LILRA4: variants seen among roughly 807,000 people sequenced by gnomAD.
LILRA4 encodes the protein leukocyte immunoglobulin like receptor A4.
Under a neutral mutation model 49.5 loss-of-function variants are expected in LILRA4, and 51 were observed. That is an observed-to-expected ratio of 1.03 (90% CI 0.82 to 1.30). The LOEUF (loss-of-function observed/expected upper bound fraction) is 1.30. Ranked by LOEUF, LILRA4 falls within the 50% of genes most tolerant of loss-of-function variation. The probability of loss-of-function intolerance (pLI) is 0.00; values close to 1 mark genes in which losing one functional copy is unlikely to be tolerated. For synonymous variants in LILRA4, 272 were observed against 265.6 expected, an observed-to-expected ratio of 1.02 and a Z score of -0.23; for missense variants, 624 against 625.6, an observed-to-expected ratio of 1.00 and a Z score of 0.03.
Position 54,339,047 on chromosome 19 carries a change from C to T in LILRA4, c.34+13G>A. 1 of 1,614,208 alleles carries T rather than the reference C, an allele frequency of 6.2e-7. No individual in the cohort carries two copies. The highest frequency in any genetic ancestry group is 8.5e-7 in the Non-Finnish European group (1 of 1,180,012). On this transcript the variant is annotated intron_variant, in intron 1 of 7. Coordinates refer to ENST00000291759, the MANE Select transcript of LILRA4 (RefSeq NM_012276.5). ...CTAGACTAGGGTCTCTCCTCCCCCT[C>T]TTAAGATCTCACCAAAGAAGAGCAG...
chr19:54,338,033 G>C lies in LILRA4; in HGVS notation c.558C>G (p.Thr186=), dbSNP rs753152729. Reference sequence around the variant, plus strand: ...ATCTGAATGTACCCCTGTTGCTGAAGGTCAGGGGGCCCATGGGGAACAGGG... The same window carrying C: ...ATCTGAATGTACCCCTGTTGCTGAACGTCAGGGGGCCCATGGGGAACAGGG... ...FQALFPMGPL[T]FSNRGTFRCY... is the part of the protein sequence containing the mutation. The change falls in exon 4 of 8, where the codon ACC becomes ACG. Residue 186 remains threonine, a synonymous_variant. Coordinates refer to ENST00000291759, the MANE Select transcript of LILRA4 (RefSeq NM_012276.5). The C allele has an allele frequency of 2.5e-6, 4 of 1,613,968 alleles. No individual in the cohort carries two copies. In the East Asian group the frequency reaches 8.9e-5, roughly 36 times the overall value.
chr19:54,338,043 C>T lies in LILRA4; in HGVS notation c.548G>A (p.Gly183Asp), dbSNP rs1428748963. ...ACCCCTGTTGCTGAAGGTCAGGGGG[C>T]CCATGGGGAACAGGGCCTGGAACTT... ...HGKFQALFPM[G>D]PLTFSNRGTF... The change falls in exon 4 of 8, where the codon GGC becomes GAC. Residue 183 changes from glycine to aspartate, a missense_variant. By Grantham distance (94) the Gly-to-Asp change is moderately conservative. Transcript: ENST00000291759. 6.2e-6 allele frequency: 10 copies of T among 1,614,014 alleles called. No homozygotes were observed. The East Asian group carries it at 1.6e-4, about 25-fold the overall frequency.
At chr19:54,335,222 G>T (rs530327196) in intron 6 of LILRA4, 3 of 152,212 alleles carry the variant, frequency 2.0e-5, no homozygotes, top group Non-Finnish European at 4.4e-5. Context: ...CAATGTTGGA[G>T]GAGAGGCCCA....
In LILRA4 at chr19:54,337,694, C is replaced by A. The variant is rs543578213; in HGVS notation, c.658G>T (p.Val220Leu). 13 of 1,611,374 alleles carry A rather than the reference C, an allele frequency of 8.1e-6. No homozygotes were observed. Among genetic ancestry groups the A allele is most frequent in the South Asian group, 2.2e-5 (2 of 90,920 alleles). Residue 220 changes from valine to leucine, a missense_variant and splice_region_variant, in exon 5 of 8, where the codon GTG becomes TTG. Val to Leu is a conservative substitution (Grantham distance 32). Transcript: ENST00000291759. The part of the protein sequence containing the change: ...SDPLQLLVSG[V>L]SRKPSLLTLQ... ...GTCAGGAGGGAGGGCTTCCTAGACA[C>A]GCCTGGAGGGAAAGATGAGTTGGGA...
rs1182606672 is a variant in LILRA4, at chr19:54,337,840, A to C, written c.655+96T>G. The C allele has an allele frequency of 2.7e-6, 4 of 1,460,818 alleles. No homozygotes were observed. The African/African-American group carries it at 4.3e-5, about 16-fold the overall frequency. The allele number at this position is 1,460,818 out of a possible 1,614,324, so 90.5% of individuals were successfully genotyped here. A position where few individuals can be genotyped will look rare whatever the true frequency, so the allele number is the denominator to read the frequency against. On this transcript the variant is annotated intron_variant, in intron 4 of 7. Transcript: ENST00000291759. ...TCCCCAGGGCCCCCATCTTCCCCTC[A>C]TCTTTTCTTCTTGCGTGGGCTAGCC...
At chr19:54,338,985 A>G (rs1486695970) in intron 1 of LILRA4, 75 bp downstream of exon 1, 8 of 1,610,424 alleles carry the variant, frequency 5.0e-6, no homozygotes, top group Non-Finnish European at 5.9e-6. Flanking sequence ...GGATGCCCTA[A>G]TTGACTAAGG....
In LILRA4 at chr19:54,333,965, C is replaced by G; in HGVS notation, c.1256G>C (p.Gly419Ala). 6.2e-7 allele frequency: 1 copy of G among 1,613,600 alleles called. No individual in the cohort carries two copies. The highest frequency in any genetic ancestry group is 8.5e-7 in the Non-Finnish European group (1 of 1,179,520). Residue 419 changes from glycine to alanine, a missense_variant and splice_region_variant, in exon 7 of 8, where the codon GGA becomes GCA. Gly to Ala is a moderately conservative substitution (Grantham distance 60). Transcript: ENST00000291759. ...PSEPLELVVS[G>A]ATETLNPAQK... ...TGCTGGATTGAGGGTCTCAGTTGCT[C>G]CTAAGAATCAAAGAATAAGGATGTT...
rs2081361249 is a variant in LILRA4, at chr19:54,338,863, C to T, written c.70+3G>A. 6.2e-7 allele frequency: 1 copy of T among 1,614,138 alleles called. No individual in the cohort carries two copies. The highest frequency in any genetic ancestry group is 8.5e-7 in the Non-Finnish European group (1 of 1,180,020). On this transcript the variant is annotated splice_donor_region_variant and intron_variant, in intron 2 of 7. Coordinates refer to ENST00000291759, the MANE Select transcript of LILRA4 (RefSeq NM_012276.5). The stretch of plus-strand genomic sequence containing the variant: ...GACCTAGGACAGCTGGGGACAGACT[C>T]ACCTGCCTGCACCCGGGTCCTGGGG...
Position 54,338,377 on chromosome 19 carries a change from C to T in LILRA4, c.355+19G>A. Reference sequence around the variant, plus strand: ...CCGAGGGCAGAGCCTGGGGCTGGGACCCCTGAGTGTCCTCTCACCTGTCAC... The same window carrying T: ...CCGAGGGCAGAGCCTGGGGCTGGGATCCCTGAGTGTCCTCTCACCTGTCAC... On this transcript the variant is annotated intron_variant, in intron 3 of 7. Coordinates refer to ENST00000291759, the MANE Select transcript of LILRA4 (RefSeq NM_012276.5). 1.2e-6 allele frequency: 2 copies of T among 1,613,410 alleles called. No individual in the cohort carries two copies. The highest frequency in any genetic ancestry group is 1.7e-6 in the Non-Finnish European group (2 of 1,179,786).
At position 54,337,958 on chromosome 19, in the gene LILRA4, G is replaced by A. The variant is rs1026797731; in HGVS notation, c.633C>T (p.Asp211=). 1 of 1,612,108 alleles carries A rather than the reference G, an allele frequency of 6.2e-7. No individual in the cohort carries two copies. Among genetic ancestry groups the A allele is most frequent in the Non-Finnish European group, 8.5e-7 (1 of 1,179,214 alleles). ...CACCTGACACCAGTAGCTGCAGGGGGTCACTGGGTTCCGACCACACGTATG... is the reference window on the plus strand; with the variant it reads ...CACCTGACACCAGTAGCTGCAGGGGATCACTGGGTTCCGACCACACGTATG... The part of the protein sequence containing the change: ...NTPYVWSEPS[D]PLQLLVSGVS... Residue 211 remains aspartate (D), a synonymous_variant, in exon 4 of 8, where the codon GAC becomes GAT. Transcript: ENST00000291759.
intron 6 of LILRA4, chr19:54,335,305 T>C (rs1315594073): frequency 1.3e-5 from 2 of 152,172 alleles, no homozygotes; most frequent in Non-Finnish European, 2.9e-5. Flanking sequence ...TATTTAAAAG[T>C]GGGTAGCACC....
In LILRA4 at chr19:54,338,671, A is replaced by G. The variant is rs2241384; in HGVS notation, c.80T>C (p.Leu27Pro). ...TGGCTCGGCCCACAGGATGGGTTTG[A>G]GTAGGTTTTCTGGAAGGAAATTACA... ...PRTRVQAENL[L>P]KPILWAEPGP... is the part of the protein sequence containing the mutation. Residue 27 changes from leucine (L) to proline (P), a missense_variant, in exon 3 of 8, where the codon CTC becomes CCC. Coordinates refer to ENST00000291759, the MANE Select transcript of LILRA4 (RefSeq NM_012276.5). 1,329,428 of 1,610,340 alleles carry G rather than the reference A, an allele frequency of 0.83. 549,082 individuals carry two copies. Among genetic ancestry groups the G allele is most frequent in the African/African-American group, 0.84 (62,730 of 74,764 alleles).
chr19:54,338,823 C>T (rs756549797), intron 2 of LILRA4, 43 bp downstream of exon 2: 4 of 1,613,042 alleles, frequency 2.5e-6, no homozygotes, highest in Non-Finnish European at 3.4e-6. Context: ...TCCCTTGTCC[C>T]CAGAGAGGAG....
In LILRA4 at chr19:54,337,695, G is replaced by T. The variant is rs369458855; in HGVS notation, c.657C>A (p.Gly219=). 9 of 1,611,230 alleles carry T rather than the reference G, an allele frequency of 5.6e-6. No homozygotes were observed. The East Asian group carries it at 6.7e-5, about 12-fold the overall frequency. ...TCAGGAGGGAGGGCTTCCTAGACAC[G>T]CCTGGAGGGAAAGATGAGTTGGGAC... ...PSDPLQLLVS[G]VSRKPSLLTL... is the part of the protein sequence containing the mutation. The change falls in exon 5 of 8, where the codon GGC becomes GGA. Residue 219 remains glycine, a splice_region_variant and synonymous_variant. Transcript: ENST00000291759.
At position 54,338,016 on chromosome 19, in the gene LILRA4, G is replaced by A; in HGVS notation, c.575C>T (p.Thr192Ile). Residue 192 changes from threonine (T) to isoleucine (I), a missense_variant, in exon 4 of 8, where the codon ACA becomes ATA. Physicochemically the swap from Thr to Ile is moderately conservative, Grantham distance 89. Transcript: ENST00000291759. Reference protein sequence around the residue: ...MGPLTFSNRGTFRCYGYENNT... With the variant: ...MGPLTFSNRGIFRCYGYENNT... ...GTTTTCATAGCCGTAGCATCTGAAT[G>A]TACCCCTGTTGCTGAAGGTCAGGGG... The A allele has an allele frequency of 6.2e-7, 1 of 1,614,018 alleles. No individual in the cohort carries two copies. The highest frequency in any genetic ancestry group is 2.2e-5 in the East Asian group (1 of 44,842).
At chr19:54,336,546 C>G in intron 6 of LILRA4, 1 of 562,714 alleles carries the variant, frequency 1.8e-6, no homozygotes, top group African/African-American at 1.9e-5. Context: ...TTTCCACACT[C>G]CCATAGGCTG....
chr19:54,338,000 G>A lies in LILRA4; in HGVS notation c.591C>T (p.Gly197=). The part of the protein sequence containing the change: ...FSNRGTFRCY[G]YENNTPYVWS... ...ACACGTATGGGGTGTTGTTTTCATA[G>A]CCGTAGCATCTGAATGTACCCCTGT... The change falls in exon 4 of 8, where the codon GGC becomes GGT. Residue 197 remains glycine (G), a synonymous_variant. Transcript: ENST00000291759. 1 of 1,614,056 alleles carries A rather than the reference G, an allele frequency of 6.2e-7. No homozygotes were observed. The highest frequency in any genetic ancestry group is 2.2e-5 in the East Asian group (1 of 44,860).
intron 3 of LILRA4, 25 bp from the exon 4 acceptor site, chr19:54,338,260 G>T: frequency 6.3e-7 from 1 of 1,597,296 alleles, no homozygotes; most frequent in Non-Finnish European, 8.5e-7. Context: ...AAAGGCAGCC[G>T]TGTTTAAATG....
At chr19:54,334,097 A>C in intron 6 of LILRA4, 132 bp from the exon 7 acceptor site, 1 of 712,508 alleles carries the variant, frequency 1.4e-6, no homozygotes, top group Non-Finnish European at 2.4e-6. Flanking sequence ...CTCTGCTCTC[A>C]CAGGCCTCCC....
Sources: gnomAD v4.1 joint callset for allele counts on GRCh38, gnomAD v4.1.1 for gene constraint, MANE v1.5 for transcripts, NCBI Gene and HGNC (gene_info 2026-07-23, HGNC 2026-07-21) for gene names.